OR7C1: variants seen among roughly 807,000 people sequenced by gnomAD.
OR7C1 encodes olfactory receptor family 7 subfamily C member 1, also known as olfactory receptor 7C1.
For synonymous variants in OR7C1, 152 were observed against 160.7 expected, an observed-to-expected ratio of 0.95 and a Z score of 0.41; for missense variants, 324 against 383.3, an observed-to-expected ratio of 0.85 and a Z score of 1.29.
chr19:14,818,062 T>TTTTATTTTTTTTA (rs1555695178), intron 1 of OR7C1, among the ~76,000 whole-genome samples: 1 of 139,460 alleles, frequency 7.2e-6, no homozygotes, highest in African/African-American at 2.7e-5. Flanking sequence ...ATTTTATTTA[T>TTTTATTTTTTTTA]TTTATTTATT....
At chr19:14,828,449 G>A (rs1161468638) in intron 1 of OR7C1, 8 of 628,484 alleles carry the variant, frequency 1.3e-5, no homozygotes, top group East Asian at 6.0e-5. Flanking sequence ...TGAAGACAGC[G>A]TACATTCTGC....
At chr19:14,824,732 T>C (rs970286865) in intron 1 of OR7C1, 9 of 152,232 alleles carry the variant, frequency 5.9e-5, no homozygotes, top group Admixed American at 3.9e-4. Flanking sequence ...TTCCTTTGGC[T>C]ATATACTCAA....
exon 5 of OR7C1, chr19:14,799,458 T>G (rs1356707001): frequency 6.2e-7 from 1 of 1,614,100 alleles, no homozygotes; most frequent in Admixed American, 1.7e-5. Flanking sequence ...GAGGAAATCC[T>G]CAGTATAGAG....
chr19:14,812,747 A>G (rs2044697358), intron 1 of OR7C1, among the ~76,000 whole-genome samples: 1 of 151,962 alleles, frequency 6.6e-6, no homozygotes, highest in African/African-American at 2.4e-5. Context: ...AACACTTCCT[A>G]ACTCATTTTA....
At chr19:14,827,136 T>C (rs923662900) in intron 1 of OR7C1, 14 of 729,702 alleles carry the variant, frequency 1.9e-5, no homozygotes, top group Non-Finnish European at 2.8e-5. Context: ...ATAAAAGGAG[T>C]TGCTTAAATT....
At chr19:14,816,486 T>G (rs75805281) in intron 1 of OR7C1, among the ~76,000 whole-genome samples, 8,026 of 152,230 alleles carry the variant, frequency 0.053, 708 homozygotes, top group African/African-American at 0.18. Flanking sequence ...CTTTCTCCCA[T>G]GGTGAATGCT....
chr19:14,827,753 T>C (rs1316243349), intron 1 of OR7C1: 1 of 1,614,190 alleles, frequency 6.2e-7, no homozygotes. Context: ...ACAGCCGTAC[T>C]ACCATTAAGA....
intron 1 of OR7C1, chr19:14,827,816 T>G (rs750743834): frequency 1.2e-6 from 2 of 1,614,108 alleles, no homozygotes; most frequent in South Asian, 2.2e-5. Context: ...GAACCAGCAG[T>G]CCACAGAGGT....
At chr19:14,824,295 A>G (rs1479802754) in intron 1 of OR7C1, 2 of 152,238 alleles carry the variant, frequency 1.3e-5, no homozygotes, top group Non-Finnish European at 2.9e-5. Context: ...ATTGTGTGAC[A>G]CTAAAGTTTG....
chr19:14,814,673 C>T (rs897223859), intron 1 of OR7C1, among the ~76,000 whole-genome samples: 4 of 152,290 alleles, frequency 2.6e-5, no homozygotes, highest in Admixed American at 6.5e-5. Flanking sequence ...GATCCACCTG[C>T]CTCGGCCTCC....
chr19:14,809,348 C>T (rs910849981), intron 2 of OR7C1, among the ~76,000 whole-genome samples: 3 of 151,830 alleles, frequency 2.0e-5, no homozygotes, highest in Non-Finnish European at 4.4e-5. Context: ...CTTGCACATA[C>T]GTAAAGGAAG....
At chr19:14,827,630 C>T (rs778104335) in intron 1 of OR7C1, 12 of 1,614,082 alleles carry the variant, frequency 7.4e-6, no homozygotes, top group East Asian at 4.5e-5. Flanking sequence ...CACCCAGCAG[C>T]GCAACTGTAA....
exon 5 of OR7C1, chr19:14,799,140 C>T: frequency 6.4e-7 from 1 of 1,555,496 alleles, no homozygotes; most frequent in Non-Finnish European, 8.7e-7. Flanking sequence ...CAAGAACCAC[C>T]AAAAGTGCCT....
At chr19:14,825,099 T>G (rs936809002) in intron 1 of OR7C1, 1 of 152,126 alleles carries the variant, frequency 6.6e-6, no homozygotes, top group Non-Finnish European at 1.5e-5. Context: ...GGCATGGTGG[T>G]GTGAGCCTGT....
intron 2 of OR7C1, among the ~76,000 whole-genome samples, chr19:14,803,812 T>C (rs1599912603): frequency 6.6e-6 from 1 of 151,680 alleles, no homozygotes; most frequent in Non-Finnish European, 1.5e-5. Flanking sequence ...TGGGTTCAAG[T>C]GATTCTCCTG....
rs372803341 is a variant in OR7C1, at chr19:14,820,374, A to G, written c.-622-10381T>C. ...GAAAATACATGGACATGGGGAGGGG[A>G]ACATCACACATGGGGGCCTGTTGGG... On this transcript the variant is annotated intron_variant, in intron 1 of 4. Coordinates refer to ENST00000641666, the Ensembl canonical transcript of OR7C1. 9.5e-3 allele frequency among the ~76,000 whole-genome samples: 1,414 copies of G among 148,846 alleles called. 19 individuals are homozygous for G. The highest frequency in any genetic ancestry group is 0.033 in the African/African-American group (1,325 of 40,248).
chr19:14,802,602 A>T (rs2044647250), intron 2 of OR7C1, among the ~76,000 whole-genome samples: 1 of 152,260 alleles, frequency 6.6e-6, no homozygotes, highest in Non-Finnish European at 1.5e-5. Flanking sequence ...CCTACCTTGA[A>T]ACCTCTCTCA....
intron 1 of OR7C1, among the ~76,000 whole-genome samples, chr19:14,820,788 G>A (rs1315856057): frequency 6.6e-6 from 1 of 152,194 alleles, no homozygotes; most frequent in African/African-American, 2.4e-5. Flanking sequence ...ATTTTCTAAA[G>A]TATGGTCTGG....
intron 1 of OR7C1, chr19:14,821,367 T>C (rs1367698392): frequency 6.6e-6 from 1 of 152,262 alleles, no homozygotes; most frequent in Non-Finnish European, 1.5e-5. Context: ...GAAATTCTGC[T>C]CAGGGTATGG....
Sources: gnomAD v4.1 joint callset for allele counts (sites outside exome capture counted in the v4.1 genomes callset) on GRCh38, gnomAD v4.1.1 for gene constraint, MANE v1.5 for transcripts, NCBI Gene and HGNC (gene_info 2026-07-23, HGNC 2026-07-21) for gene names.